SH3D21: variants seen among roughly 807,000 people sequenced by gnomAD.
The protein encoded by SH3D21 is manchette microtubule inner protein 1.
In SH3D21, 83 loss-of-function variants were observed where a neutral mutation model predicts 82.1. The ratio of observed to expected loss-of-function variants is 1.01; its 90% CI spans 0.85 to 1.21. The LOEUF is 1.21. Ranked by LOEUF, SH3D21 falls within the 50% of genes most tolerant of loss-of-function variation. The probability of loss-of-function intolerance (pLI) is 0.00; values close to 1 mark genes in which losing one functional copy is unlikely to be tolerated. For missense variants in SH3D21, 980 were observed against 962.1 expected (o/e 1.02, Z -0.25); for synonymous variants, 383 against 387.8 (o/e 0.99, Z 0.15).
At chr1:36,322,387 A>C, downstream of SH3D21, 1 of 1,596,580 alleles carries the variant, frequency 6.3e-7, no homozygotes, top group South Asian at 1.1e-5. Flanking sequence ...CCGGTGCGCC[A>C]GATCTCCCGC....
chr1:36,320,032 C>T lies in SH3D21; in HGVS notation c.1369C>T (p.Pro457Ser), dbSNP rs755921086. 1.9e-6 allele frequency: 3 copies of T among 1,614,120 alleles called. No homozygotes were observed. In the African/African-American group the frequency reaches 4.0e-5, roughly 22 times the overall value. ...PERVFSVEES[P>S]ALEAPPMDKV... is the part of the protein sequence containing the mutation. ...GAGGGTCTTTTCAGTGGAAGAGTCC[C>T]CTGCCCTAGAAGCCCCACCTATGGA... is the stretch of plus-strand genomic sequence containing the variant. Residue 457 changes from proline to serine, a missense_variant, in exon 14 of 16, where the codon CCT becomes TCT. By Grantham distance (74) the Pro-to-Ser change is moderately conservative. Coordinates refer to ENST00000453908, the MANE Select transcript of SH3D21 (RefSeq NM_001162530.2).
At chr1:36,309,489 A>T in intron 9 of SH3D21, 59 bp from the exon 10 acceptor site, 3 of 1,545,996 alleles carry the variant, frequency 1.9e-6, no homozygotes, top group Non-Finnish European at 2.6e-6. Context: ...CCTGGCCTGC[A>T]TTTTGGATTT....
At chr1:36,322,549 C>T (rs1303667758), downstream of SH3D21, 9 of 1,596,082 alleles carry the variant, frequency 5.6e-6, no homozygotes, top group South Asian at 1.0e-4. Context: ...GTGTCCTCCT[C>T]GTCCTCGTCG....
At chr1:36,322,256 C>A, downstream of SH3D21, 1 of 1,456,956 alleles carries the variant, frequency 6.9e-7, no homozygotes, top group Non-Finnish European at 9.0e-7. Flanking sequence ...ATGTGCAGGT[C>A]CGGTACCCCG....
chr1:36,316,772 T>C (rs934778708), intron 10 of SH3D21, among the ~76,000 whole-genome samples: 2 of 151,624 alleles, frequency 1.3e-5, no homozygotes, highest in Non-Finnish European at 2.9e-5. Context: ...TCTTTTTTTT[T>C]TTTTTTTTGG....
chr1:36,322,989 C>T (rs754681450), downstream of SH3D21: 39 of 1,605,774 alleles, frequency 2.4e-5, no homozygotes, highest in Non-Finnish European at 3.2e-5. Flanking sequence ...TGCGCGTAGG[C>T]AGCCAGGCTG....
chr1:36,315,559 G>A (rs1051012535), intron 10 of SH3D21, among the ~76,000 whole-genome samples: 1 of 152,088 alleles, frequency 6.6e-6, no homozygotes, highest in African/African-American at 2.4e-5. Context: ...ATGTTGGCCA[G>A]GCTGGTCTCG....
downstream of SH3D21, chr1:36,328,512 T>G (rs755054397): frequency 1.3e-4 from 32 of 251,374 alleles, no homozygotes; most frequent in Admixed American, 2.4e-4. Flanking sequence ...GGCTCACGTC[T>G]GTAATCCCAG....
chr1:36,314,210 C>T (rs1253428158), intron 10 of SH3D21, among the ~76,000 whole-genome samples: 6 of 150,902 alleles, frequency 4.0e-5, no homozygotes, highest in African/African-American at 7.3e-5. Context: ...CTCCTGACCT[C>T]GTGATTCACC....
downstream of SH3D21, chr1:36,322,792 AC>A: frequency 1.3e-6 from 2 of 1,509,414 alleles, no homozygotes; most frequent in Non-Finnish European, 1.8e-6. Context: ...CTTCCGAAAG[AC>A]CCCAGGTTCT....
In SH3D21 at chr1:36,307,537, G is replaced by A; in HGVS notation, c.366G>A (p.Leu122=). ...CCCAGATTGAGGACGGCTGGTGGCTGGGGAAGAAGAACGGGCAGCTGGGAG... is the reference window on the plus strand; with the variant it reads ...CCCAGATTGAGGACGGCTGGTGGCTAGGGAAGAAGAACGGGCAGCTGGGAG... ...MIKEIEDGWW[L]GKKNGQLGAF... The change falls in exon 5 of 16, where the codon CTG becomes CTA. Residue 122 remains leucine (L), a synonymous_variant. Coordinates refer to ENST00000453908, the MANE Select transcript of SH3D21 (RefSeq NM_001162530.2). The surrounding 1 kb of genome is among the most constrained non-coding windows in gnomAD (Gnocchi z 5.4). The A allele has an allele frequency of 1.3e-6, 2 of 1,551,694 alleles. No homozygotes were observed. Among genetic ancestry groups the A allele is most frequent in the South Asian group, 2.4e-5 (2 of 84,050 alleles).
chr1:36,327,802 G>T (rs1180444250), downstream of SH3D21: 1 of 1,275,928 alleles, frequency 7.8e-7, no homozygotes, highest in East Asian at 5.6e-5. Flanking sequence ...GCTCCTGGAG[G>T]CCCTGGGGAA....
intron 10 of SH3D21, among the ~76,000 whole-genome samples, chr1:36,316,979 CCT>C (rs1418392601): frequency 6.6e-6 from 1 of 152,102 alleles, no homozygotes; most frequent in Non-Finnish European, 1.5e-5. Context: ...CCAGTCCAGT[CCT>C]CTCTTTTGTA....
chr1:36,327,414 A>G (rs1235869978), downstream of SH3D21, among the ~76,000 whole-genome samples: 1 of 152,200 alleles, frequency 6.6e-6, no homozygotes, highest in Non-Finnish European at 1.5e-5. Context: ...TGTGTGCCTC[A>G]GTGCCTCAGT....
chr1:36,307,954 C>T lies in SH3D21; in HGVS notation c.529C>T (p.Leu177=). Residue 177 remains leucine (L), a synonymous_variant, in exon 7 of 16, where the codon CTG becomes TTG. Transcript: ENST00000453908. The surrounding 1 kb of genome is among the most constrained non-coding windows in gnomAD (Gnocchi z 5.4). ...GGCCTATGACAGCCCTCCAGACTACCTGCAGACAGGTGAGCACCCATCCAA... is the reference window on the plus strand; with the variant it reads ...GGCCTATGACAGCCCTCCAGACTACTTGCAGACAGGTGAGCACCCATCCAA... ...SLAYDSPPDY[L]QTVSHPEVYR... 1.3e-6 allele frequency: 2 copies of T among 1,551,728 alleles called. No individual in the cohort carries two copies. The highest frequency in any genetic ancestry group is 2.0e-5 in the Admixed American group (1 of 51,004).
downstream of SH3D21, among the ~76,000 whole-genome samples, chr1:36,329,593 A>G (rs999424869): frequency 1.3e-5 from 2 of 151,888 alleles, no homozygotes. Flanking sequence ...CTTCCCCCAC[A>G]GTGGCCACAA....
Position 36,319,695 on chromosome 1 carries a change from G to C in SH3D21, c.1032G>C (p.Pro344=), listed in dbSNP as rs774718021. 2 of 1,590,648 alleles carry C rather than the reference G, an allele frequency of 1.3e-6. No homozygotes were observed. The highest frequency in any genetic ancestry group is 1.4e-5 in the African/African-American group (1 of 73,894). The stretch of plus-strand genomic sequence containing the variant: ...GGCAGGAGGAAGAGCACAGCAGCCC[G>C]GTAAAGGCCCCCTCTGTGAAGAGAA... ...VSSQEEEHSS[P]VKAPSVKRTP... Residue 344 remains proline, a synonymous_variant, in exon 14 of 16, where the codon CCG becomes CCC. Coordinates refer to ENST00000453908, the MANE Select transcript of SH3D21 (RefSeq NM_001162530.2).
chr1:36,326,837 CTGAGGAAAGCCCA>C (rs1646550884), downstream of SH3D21, among the ~76,000 whole-genome samples: 1 of 152,118 alleles, frequency 6.6e-6, no homozygotes, highest in South Asian at 2.1e-4. Flanking sequence ...GCTGGGGCAC[CTGAGGAAAGCCCA>C]TGTGGGGAAG....
At chr1:36,321,468 G>A, downstream of SH3D21, 1 of 990,860 alleles carries the variant, frequency 1.0e-6, no homozygotes, top group Non-Finnish European at 1.3e-6. The surrounding 1 kb of genome is among the most constrained non-coding windows in gnomAD (Gnocchi z 6.1). Context: ...GGCGGGGTCG[G>A]GCTCTTGACG....
Sources: allele counts gnomAD v4.1 joint callset (sites outside exome capture counted in the v4.1 genomes callset), GRCh38; gene constraint gnomAD v4.1.1; non-coding constraint Gnocchi (gnomAD v3.1); transcripts MANE v1.5; gene names NCBI Gene and HGNC (gene_info 2026-07-23, HGNC 2026-07-21).